CTNNA2: variants seen among roughly 807,000 people sequenced by gnomAD.
CTNNA2 encodes the protein catenin alpha 2, also known as catenin alpha-2.
A neutral mutation model predicts 101.0 loss-of-function variants in CTNNA2; 42 were observed. The ratio of observed to expected loss-of-function variants is 0.42; its 90% CI spans 0.32 to 0.54. CTNNA2 has a LOEUF of 0.54. Ranked by LOEUF, CTNNA2 falls within the 20% of genes least tolerant of loss-of-function variation. The probability of loss-of-function intolerance (pLI) is 0.14; values close to 1 mark genes in which losing one functional copy is unlikely to be tolerated. For missense variants in CTNNA2, 871 were observed against 1,223.1 expected, an observed-to-expected ratio of 0.71 and a Z score of 4.29; for synonymous variants, 450 against 456.4, an observed-to-expected ratio of 0.99 and a Z score of 0.18.
intron 2 of CTNNA2, among the ~76,000 whole-genome samples, chr2:79,689,703 T>A (rs1380965124): frequency 1.3e-5 from 2 of 151,998 alleles, no homozygotes; most frequent in African/African-American, 4.8e-5. Flanking sequence ...AATAGATCGA[T>A]GTAATTATGC....
intron 1 of CTNNA2, among the ~76,000 whole-genome samples, chr2:79,595,587 T>C (rs1677135137): frequency 6.6e-6 from 1 of 152,172 alleles, no homozygotes; most frequent in South Asian, 2.1e-4. Context: ...GTTCTTCCTC[T>C]CCATTCTATT....
At chr2:79,942,218 C>G (rs1688207735) in intron 7 of CTNNA2, among the ~76,000 whole-genome samples, 1 of 152,076 alleles carries the variant, frequency 6.6e-6, no homozygotes, top group Admixed American at 6.6e-5. Flanking sequence ...GTGCCTATGC[C>G]AGGAATCAGG....
At chr2:79,575,237 A>C (rs774240268) in intron 1 of CTNNA2, among the ~76,000 whole-genome samples, 84 of 152,190 alleles carry the variant, frequency 5.5e-4, no homozygotes, top group Non-Finnish European at 1.1e-3. Context: ...CCCAGTTGAA[A>C]TATCCACACT....
rs756091288 is a variant in CTNNA2 at position 80,313,534 on chromosome 2, G to T, written c.1057-79677G>T. The T allele has an allele frequency of 3.7e-6, 6 of 1,607,072 alleles. No homozygotes were observed. The South Asian group carries it at 5.6e-5, about 15-fold the overall frequency. On this transcript the variant is annotated intron_variant, in intron 7 of 18. Transcript: ENST00000402739. ...TTTTCTAGCTAATTGAGCAAGACCA[G>T]GTAGAGGAAGGAAGACGAATTGACC...
At chr2:79,508,653 A>C (rs965400916), upstream of CTNNA2, among the ~76,000 whole-genome samples, 2 of 152,124 alleles carry the variant, frequency 1.3e-5, no homozygotes, top group African/African-American at 4.8e-5. Context: ...TAATTAAAGC[A>C]AGTATACAGC....
At chr2:79,329,464 C>T (rs534319503) in intron 3 of CTNNA2, among the ~76,000 whole-genome samples, 84 of 152,180 alleles carry the variant, frequency 5.5e-4, no homozygotes, top group Admixed American at 1.4e-3. Flanking sequence ...TAGTGAGTAA[C>T]GCTTGCCTTG....
At chr2:80,030,671 T>C (rs952558042) in intron 7 of CTNNA2, 1 of 152,230 alleles carries the variant, frequency 6.6e-6, no homozygotes, top group African/African-American at 2.4e-5. Flanking sequence ...TGGCGATCTT[T>C]GATTTTATAA....
chr2:80,423,737 C>A (rs931750105), intron 9 of CTNNA2, among the ~76,000 whole-genome samples: 3 of 151,936 alleles, frequency 2.0e-5, no homozygotes, highest in African/African-American at 7.3e-5. Flanking sequence ...GGCAACCATG[C>A]CAGTTCATAA....
rs869066159 is a variant in CTNNA2, at chr2:79,258,845, C to CAAAA, written c.-405-53841_-405-53838dup. On this transcript the variant is annotated intron_variant, in intron 2 of 21. Transcript: ENST00000466387. ...ATGAAGCCAAGGCCAAATCCTCTAC[C>CAAAA]AAAAAAAAAAAAAAAAAAAAAAAAA... Among the ~76,000 whole-genome samples, 75 of 91,360 alleles carry CAAAA rather than the reference C, an allele frequency of 8.2e-4. 1 individual carries two copies. Among genetic ancestry groups the CAAAA allele is most frequent in the African/African-American group, 3.0e-3 (64 of 21,480 alleles). 59.9% of individuals were successfully genotyped at this position (91,360 alleles called of 152,430 possible). A position where few individuals can be genotyped will look rare whatever the true frequency, so the allele number is the denominator to read the frequency against.
chr2:80,042,792 G>A (rs1184334141), intron 7 of CTNNA2, among the ~76,000 whole-genome samples: 1 of 152,198 alleles, frequency 6.6e-6, no homozygotes, highest in Admixed American at 6.5e-5. Context: ...GACTTAAGCT[G>A]TTGGCTTTGT....
intron 7 of CTNNA2, among the ~76,000 whole-genome samples, chr2:80,042,509 A>T (rs1022285747): frequency 6.6e-6 from 1 of 152,210 alleles, no homozygotes; most frequent in Non-Finnish European, 1.5e-5. Flanking sequence ...GGCATCTTTT[A>T]TCTGGCACCT....
At chr2:80,162,258 G>T (rs1385103345) in intron 7 of CTNNA2, among the ~76,000 whole-genome samples, 1 of 152,076 alleles carries the variant, frequency 6.6e-6, no homozygotes, top group Non-Finnish European at 1.5e-5. Context: ...ATAAAACCCT[G>T]AGGTGAAAGG....
chr2:79,492,503 T>C (rs1671215272), intron 4 of CTNNA2, among the ~76,000 whole-genome samples: 1 of 152,068 alleles, frequency 6.6e-6, no homozygotes, highest in Non-Finnish European at 1.5e-5. Context: ...AAAACATTGT[T>C]CATATTATGT....
chr2:80,303,177 G>T lies in CTNNA2; in HGVS notation c.1057-90034G>T. 1 of 1,614,098 alleles carries T rather than the reference G, an allele frequency of 6.2e-7. No homozygotes were observed. Among genetic ancestry groups the T allele is most frequent in the South Asian group, 1.1e-5 (1 of 91,084 alleles). On this transcript the variant is annotated intron_variant, in intron 7 of 18. Coordinates refer to ENST00000402739, the MANE Select transcript of CTNNA2 (RefSeq NM_001282597.3). The surrounding 1 kb of genome is among the most constrained non-coding windows in gnomAD (Gnocchi z 7.7). ...TTGACCAAGTCGTTGTGCTCGAGGTGCAGCTCGGTGAGCTTAAACAAGCCG... is the reference window on the plus strand; with the variant it reads ...TTGACCAAGTCGTTGTGCTCGAGGTTCAGCTCGGTGAGCTTAAACAAGCCG...
chr2:79,951,842 G>A (rs1333238984), intron 7 of CTNNA2, among the ~76,000 whole-genome samples: 1 of 152,108 alleles, frequency 6.6e-6, no homozygotes, highest in East Asian at 1.9e-4. Flanking sequence ...TGATCCTGAT[G>A]CCAATGCTGT....
chr2:79,273,682 G>A (rs1034838868), intron 2 of CTNNA2, among the ~76,000 whole-genome samples: 3 of 152,010 alleles, frequency 2.0e-5, no homozygotes, highest in Non-Finnish European at 4.4e-5. Flanking sequence ...TGTTAGTTCT[G>A]TTTAGAAATA....
rs1674019059 is a variant in CTNNA2 at position 80,645,785 on chromosome 2, T to G, written c.2575-1800T>G. On this transcript the variant is annotated intron_variant, in intron 18 of 18. Transcript: ENST00000402739. ...CTGTATAAACGAAAGAGTATGGGGTTCAGCAGTGATTTTGGTATACGTGCA... is the reference window on the plus strand; with the variant it reads ...CTGTATAAACGAAAGAGTATGGGGTGCAGCAGTGATTTTGGTATACGTGCA... 1.3e-5 allele frequency among the ~76,000 whole-genome samples: 2 copies of G among 152,244 alleles called. 1 individual carries two copies. The highest frequency in any genetic ancestry group is 3.9e-4 in the East Asian group (2 of 5,160).
intron 7 of CTNNA2, among the ~76,000 whole-genome samples, chr2:80,378,200 TG>T (rs1289296000): frequency 7.9e-5 from 12 of 151,534 alleles, no homozygotes; most frequent in African/African-American, 2.9e-4. Flanking sequence ...GCACTAAACA[TG>T]CAAAAAATTA....
In CTNNA2 at chr2:79,695,035, T is replaced by G. The variant is rs1166055569; in HGVS notation, c.102+43377T>G. On this transcript the variant is annotated intron_variant, in intron 2 of 18. Coordinates refer to ENST00000402739, the MANE Select transcript of CTNNA2 (RefSeq NM_001282597.3). Reference sequence around the variant, plus strand: ...AAACCAAGCCTTACATTTTTTTTTTTTTGGGGTATTATGTGAAAAGAAATC... The same window carrying G: ...AAACCAAGCCTTACATTTTTTTTTTGTTGGGGTATTATGTGAAAAGAAATC... Among the ~76,000 whole-genome samples the G allele has an allele frequency of 2.6e-5, 4 of 151,538 alleles. No homozygotes were observed. In the East Asian group the frequency reaches 7.8e-4, roughly 29 times the overall value.
Sources: gnomAD v4.1 joint callset for allele counts (sites outside exome capture counted in the v4.1 genomes callset) on GRCh38, gnomAD v4.1.1 for gene constraint, Gnocchi (gnomAD v3.1) non-coding constraint, MANE v1.5 for transcripts, NCBI Gene and HGNC (gene_info 2026-07-23, HGNC 2026-07-21) for gene names.